Variants in CFAP47 observed in about 807,000 individuals in gnomAD.
CFAP47 encodes the protein cilia and flagella associated protein 47.
A neutral mutation model predicts 148.1 loss-of-function variants in CFAP47; 29 were observed. That is an observed-to-expected ratio of 0.20 (90% CI 0.15 to 0.27). The LOEUF is 0.27. CFAP47 is among the 10% of genes least tolerant of loss of function. The pLI, the probability that CFAP47 is intolerant of heterozygous loss-of-function variation, is 1.00. For synonymous variants in CFAP47, 664 were observed against 577.3 expected (o/e 1.15, Z -2.15); for missense variants, 1,872 against 1,697.5 (o/e 1.10, Z -1.81).
At chrX:36,142,635 A>C (rs1483428157) in intron 35 of CFAP47, among the ~76,000 whole-genome samples, 1 of 111,822 alleles carries the variant, frequency 8.9e-6, no homozygotes, top group African/African-American at 3.2e-5. Context: ...AAAGGTAAGA[A>C]TGCTCTTTTA....
Position 36,147,078 on chromosome X carries a change from A to G in CFAP47, c.5670+1725A>G, listed in dbSNP as rs184919181. On this transcript the variant is annotated intron_variant, in intron 36 of 63. Transcript: ENST00000378653. ...AAAGTATTTCTATAGCTATGGGCAA[A>G]TAATAGAAACATAGACTGCTAGAAC... is the stretch of plus-strand genomic sequence containing the variant. Among the ~76,000 whole-genome samples, 16 of 111,985 alleles carry G rather than the reference A, an allele frequency of 1.4e-4. No individual in the cohort carries two copies. The East Asian group carries it at 4.5e-3, about 32-fold the overall frequency.
At chrX:36,116,678 C>T (rs1938646041) in intron 33 of CFAP47, among the ~76,000 whole-genome samples, 1 of 111,606 alleles carries the variant, frequency 9.0e-6, no homozygotes, top group Non-Finnish European at 1.9e-5. Flanking sequence ...TATTTTGATA[C>T]AGGCATGCAA....
chrX:36,064,541 T>C (rs1254738009), intron 26 of CFAP47, among the ~76,000 whole-genome samples: 2 of 112,206 alleles, frequency 1.8e-5, no homozygotes, highest in African/African-American at 6.5e-5. Context: ...ATTAATTTAC[T>C]TGATAACTCA....
intron 32 of CFAP47, among the ~76,000 whole-genome samples, chrX:36,102,807 C>T (rs755352173): frequency 4.5e-5 from 5 of 111,650 alleles, no homozygotes; most frequent in South Asian, 3.7e-4. Context: ...TTTTATAATA[C>T]GTGAGATTTG....
intron 30 of CFAP47, among the ~76,000 whole-genome samples, chrX:36,090,387 C>G (rs909336022): frequency 2.7e-5 from 3 of 111,784 alleles, no homozygotes; most frequent in Non-Finnish European, 5.6e-5. Context: ...TAATGGAAAT[C>G]AAACAACTTT....
intron 22 of CFAP47, among the ~76,000 whole-genome samples, chrX:36,019,675 C>T (rs896836977): frequency 2.4e-4 from 27 of 111,828 alleles, no homozygotes; most frequent in Non-Finnish European, 4.7e-4. Flanking sequence ...TTGTATGTGT[C>T]TAGGAATTTA....
At chrX:36,079,524 C>T (rs921235641) in intron 29 of CFAP47, among the ~76,000 whole-genome samples, 5 of 111,407 alleles carry the variant, frequency 4.5e-5, no homozygotes, top group Non-Finnish European at 9.4e-5. Flanking sequence ...TTTTCAGCTC[C>T]GTCTGGTTAT....
At chrX:36,179,497 A>T in intron 40 of CFAP47, 75 bp downstream of exon 40, 1 of 285,562 alleles carries the variant, frequency 3.5e-6, no homozygotes. Context: ...GAAACTAGTT[A>T]TATAATTACA....
intron 2 of CFAP47, among the ~76,000 whole-genome samples, chrX:35,933,424 T>A (rs779770512): frequency 8.9e-6 from 1 of 112,192 alleles, no homozygotes; most frequent in African/African-American, 3.2e-5. Context: ...TAAATAGTAC[T>A]TCATCGTGTA....
chrX:36,302,837 G>T (rs1941310876), intron 53 of CFAP47, among the ~76,000 whole-genome samples: 1 of 111,567 alleles, frequency 9.0e-6, no homozygotes, highest in Non-Finnish European at 1.9e-5. Flanking sequence ...AGCTTTTTTG[G>T]CTGGATTTAG....
rs750444131 is a variant in CFAP47 at position 36,065,485 on chromosome X, A to G, written c.4218-158A>G. Among the ~76,000 whole-genome samples, 3 of 112,329 alleles carry G rather than the reference A, an allele frequency of 2.7e-5. No individual in the cohort carries two copies. In the East Asian group the frequency reaches 8.3e-4, roughly 31 times the overall value. On this transcript the variant is annotated intron_variant, in intron 26 of 63. Transcript: ENST00000378653. ...TTTAGAAGTAAAAATTTTAAAAATC[A>G]TTAACATTGAGTAGATGGTTAAAAA...
chrX:36,087,477 A>G (rs942586234), intron 30 of CFAP47, among the ~76,000 whole-genome samples: 3 of 111,978 alleles, frequency 2.7e-5, no homozygotes, highest in African/African-American at 9.7e-5. Flanking sequence ...GAGAATGGTT[A>G]TATCAGTTAA....
Position 36,172,117 on chromosome X carries a change from A to G in CFAP47, c.6027-7228A>G, listed in dbSNP as rs1263138187. Among the ~76,000 whole-genome samples the G allele has an allele frequency of 1.1e-4, 12 of 107,033 alleles. 1 individual carries two copies. Among genetic ancestry groups the G allele is most frequent in the Admixed American group, 1.0e-3 (10 of 9,881 alleles). The allele number at this position is 107,033 out of a possible 115,157, so 92.9% of individuals were successfully genotyped here. On this transcript the variant is annotated intron_variant, in intron 39 of 63. Coordinates refer to ENST00000378653, the MANE Select transcript of CFAP47 (RefSeq NM_001304548.2). The stretch of plus-strand genomic sequence containing the variant: ...CTCTGTTTGTCTGTCGTTGGTGTAT[A>G]AGAATGCTTGTGATTTTTGTACATT...
At chrX:36,220,997 A>G (rs1940207803) in intron 45 of CFAP47, among the ~76,000 whole-genome samples, 1 of 111,796 alleles carries the variant, frequency 8.9e-6, no homozygotes, top group African/African-American at 3.2e-5. Flanking sequence ...AGTAAAGATG[A>G]AATAATAACA....
intron 33 of CFAP47, among the ~76,000 whole-genome samples, chrX:36,125,617 A>G (rs1000635678): frequency 1.8e-5 from 2 of 111,560 alleles, no homozygotes; most frequent in Admixed American, 9.6e-5. Context: ...CAATGTTTCC[A>G]TGCCTGACTC....
chrX:36,269,458 A>T (rs1381219058), intron 49 of CFAP47, among the ~76,000 whole-genome samples: 1 of 112,094 alleles, frequency 8.9e-6, no homozygotes, highest in Non-Finnish European at 1.9e-5. Context: ...ATTATTCTTC[A>T]TTAATTTTCT....
At position 35,948,419 on chromosome X, in the gene CFAP47, C is replaced by T. The variant is rs774944447; in HGVS notation, c.623C>T (p.Ala208Val). 1.7e-6 allele frequency: 2 copies of T among 1,202,910 alleles called. No individual in the cohort carries two copies. Among genetic ancestry groups the T allele is most frequent in the Non-Finnish European group, 1.1e-6 (1 of 888,052 alleles). Residue 208 changes from alanine to valine, a missense_variant, in exon 4 of 64, where the codon GCA becomes GTA. Physicochemically the swap from Ala to Val is moderately conservative, Grantham distance 64. Transcript: ENST00000378653. ...SSMVIKVDFC[A>V]DQPRIVDEEA... ...ATGGTTATTAAAGTAGATTTCTGTGCAGACCAGCCAAGAATTGTAGATGAA... is the reference window on the plus strand; with the variant it reads ...ATGGTTATTAAAGTAGATTTCTGTGTAGACCAGCCAAGAATTGTAGATGAA...
At chrX:36,209,510 T>C (rs368002564) in intron 45 of CFAP47, among the ~76,000 whole-genome samples, 6 of 110,888 alleles carry the variant, frequency 5.4e-5, no homozygotes, top group African/African-American at 2.0e-4. Flanking sequence ...CAAACCCAAA[T>C]TGGCAAGAGC....
chrX:36,178,448 A>T (rs1376731638), intron 39 of CFAP47, among the ~76,000 whole-genome samples: 2 of 111,745 alleles, frequency 1.8e-5, no homozygotes, highest in Non-Finnish European at 3.8e-5. Context: ...TTTAGTTTAT[A>T]TGTGCAGAGT....
Sources: gnomAD v4.1 joint callset for allele counts (sites outside exome capture counted in the v4.1 genomes callset) on GRCh38, gnomAD v4.1.1 for gene constraint, MANE v1.5 for transcripts, NCBI Gene and HGNC (gene_info 2026-07-23, HGNC 2026-07-21) for gene names.